Variants in TM4SF4 observed in about 807,000 individuals in gnomAD.
TM4SF4 encodes the protein transmembrane 4 L six family member 4.
Under a neutral mutation model 24.1 loss-of-function variants are expected in TM4SF4, and 24 were observed. That is an observed-to-expected ratio of 1.00 (90% CI 0.72 to 1.40). TM4SF4 has a LOEUF of 1.40. TM4SF4 is among the 40% of genes most tolerant of loss of function. The pLI, the probability that TM4SF4 is intolerant of heterozygous loss-of-function variation, is 0.00. For synonymous variants in TM4SF4, 113 were observed against 97.0 expected (o/e 1.17, Z -0.97); for missense variants, 254 against 254.2 (o/e 1.00, Z 0.01).
chr3:149,494,772 C>T (rs1734281325), intron 3 of TM4SF4: 1 of 152,452 alleles, frequency 6.6e-6, no homozygotes, highest in South Asian at 2.1e-4. Context: ...CACCAAAGAA[C>T]CATCGATGAA....
At chr3:149,484,012 C>T (rs1056201033) in intron 2 of TM4SF4, among the ~76,000 whole-genome samples, 6 of 151,984 alleles carry the variant, frequency 3.9e-5, no homozygotes, top group Non-Finnish European at 8.8e-5. Flanking sequence ...AACTCCTGGG[C>T]GCAAGTGATA....
In TM4SF4 at chr3:149,475,750, T is replaced by C. The variant is rs1171767540; in HGVS notation, c.175-73T>C. 11 of 1,321,200 alleles carry C rather than the reference T, an allele frequency of 8.3e-6. No homozygotes were observed. The East Asian group carries it at 2.7e-4, about 33-fold the overall frequency. 81.8% of individuals were successfully genotyped at this position (1,321,200 alleles called of 1,614,324 possible). A position where few individuals can be genotyped will look rare whatever the true frequency, so the allele number is the denominator to read the frequency against. ...AATCCCTCATTGTGGATGGGGCTCC[T>C]TATACAGTCAGGCAGGCTCGGGCCC... is the stretch of plus-strand genomic sequence containing the variant. On this transcript the variant is annotated intron_variant, in intron 1 of 4. Coordinates refer to ENST00000305354, the MANE Select transcript of TM4SF4 (RefSeq NM_004617.4).
chr3:149,482,401 G>T (rs1391653871), intron 2 of TM4SF4, among the ~76,000 whole-genome samples: 3 of 152,152 alleles, frequency 2.0e-5, no homozygotes, highest in African/African-American at 4.8e-5. Flanking sequence ...TCCAAAGTCT[G>T]CCAACTTCCC....
At chr3:149,500,525 G>A (rs1002152304) in intron 4 of TM4SF4, among the ~76,000 whole-genome samples, 11 of 152,032 alleles carry the variant, frequency 7.2e-5, no homozygotes, top group Admixed American at 6.6e-5. Flanking sequence ...AAACATACTA[G>A]AGAGGAAAAG....
rs34935957 is a variant in TM4SF4, at chr3:149,491,295, C to CAAAAAAAAAAA, written c.401+3542_401+3552dup. Among the ~76,000 whole-genome samples the CAAAAAAAAAAA allele has an allele frequency of 9.1e-4, 114 of 125,712 alleles. 4 individuals carry two copies. Among genetic ancestry groups the CAAAAAAAAAAA allele is most frequent in the African/African-American group, 2.8e-3 (103 of 36,522 alleles). 82.5% of individuals were successfully genotyped at this position (125,712 alleles called of 152,430 possible). A position where few individuals can be genotyped will look rare whatever the true frequency, so the allele number is the denominator to read the frequency against. On this transcript the variant is annotated intron_variant, in intron 3 of 4. Coordinates refer to ENST00000305354, the MANE Select transcript of TM4SF4 (RefSeq NM_004617.4). ...AACTCCCTGCTCCAGCGCCCCTCTA[C>CAAAAAAAAAAA]AAAAAAAAAAAATTAAAAAATTAGC...
At chr3:149,479,298 G>A (rs1048281855) in intron 2 of TM4SF4, among the ~76,000 whole-genome samples, 3 of 151,198 alleles carry the variant, frequency 2.0e-5, no homozygotes, top group African/African-American at 7.3e-5. Context: ...TCAGACTCTT[G>A]TTTGCTTAAT....
intron 2 of TM4SF4, among the ~76,000 whole-genome samples, chr3:149,478,139 T>C (rs972880010): frequency 6.6e-6 from 1 of 152,222 alleles, no homozygotes; most frequent in African/African-American, 2.4e-5. Context: ...AAAAAGTTTG[T>C]CTTTTTGTTG....
chr3:149,502,760 C>T lies in TM4SF4; in HGVS notation c.*67C>T. ...ACAATTTCTTTTCATAAAACTTCTT[C>T]TCTTCTTGGAATTATTAATTCCTAT... On this transcript the variant is annotated 3_prime_UTR_variant, in exon 5 of 5. Coordinates refer to ENST00000305354, the MANE Select transcript of TM4SF4 (RefSeq NM_004617.4). 2 of 1,207,770 alleles carry T rather than the reference C, an allele frequency of 1.7e-6. No homozygotes were observed. The highest frequency in any genetic ancestry group is 2.4e-6 in the Non-Finnish European group (2 of 820,246). 74.8% of individuals were successfully genotyped at this position (1,207,770 alleles called of 1,614,324 possible). A position where few individuals can be genotyped will look rare whatever the true frequency, so the allele number is the denominator to read the frequency against.
intron 3 of TM4SF4, among the ~76,000 whole-genome samples, chr3:149,491,295 C>CA (rs34935957): frequency 0.031 from 3,860 of 125,702 alleles, 194 homozygotes; most frequent in African/African-American, 0.1. Flanking sequence ...CGCCCCTCTA[C>CA]AAAAAAAAAA....
chr3:149,481,149 C>A lies in TM4SF4; in HGVS notation c.264+5237C>A, dbSNP rs555435482. The stretch of plus-strand genomic sequence containing the variant: ...TGCTGGGATTACAGTAGTGAGCCAC[C>A]ACGCCGGCATCTTCAGTAAATATTT... On this transcript the variant is annotated intron_variant, in intron 2 of 4. Transcript: ENST00000305354. Among the ~76,000 whole-genome samples the A allele has an allele frequency of 3.1e-4, 47 of 152,306 alleles. 1 individual carries two copies. Among genetic ancestry groups the A allele is most frequent in the South Asian group, 2.7e-3 (13 of 4,830 alleles).
chr3:149,484,568 T>G (rs75855558), intron 2 of TM4SF4, among the ~76,000 whole-genome samples: 1 of 149,638 alleles, frequency 6.7e-6, no homozygotes, highest in African/African-American at 2.5e-5. Flanking sequence ...TTTTTTTTTT[T>G]GGAGGCGGAG....
intron 3 of TM4SF4, among the ~76,000 whole-genome samples, chr3:149,497,691 C>T (rs1423625309): frequency 6.6e-6 from 1 of 152,172 alleles, no homozygotes. Context: ...GTTGCCCAGG[C>T]TGGAGTGCAA....
intron 2 of TM4SF4, among the ~76,000 whole-genome samples, chr3:149,482,625 C>T (rs535366260): frequency 7.2e-5 from 11 of 152,182 alleles, no homozygotes; most frequent in African/African-American, 2.7e-4. Flanking sequence ...CTCACTGCAA[C>T]CTCTGCCTCC....
chr3:149,476,818 T>TG (rs1360546761), intron 2 of TM4SF4, among the ~76,000 whole-genome samples: 4 of 119,268 alleles, frequency 3.4e-5, no homozygotes, highest in Non-Finnish European at 5.6e-5. Context: ...GTTTTTGTTT[T>TG]TTTTTTTTTT....
At chr3:149,496,626 G>A (rs1734316100) in intron 3 of TM4SF4, among the ~76,000 whole-genome samples, 1 of 152,062 alleles carries the variant, frequency 6.6e-6, no homozygotes, top group Non-Finnish European at 1.5e-5. Context: ...AAATTAGCCG[G>A]ATGTGGTGGC....
intron 2 of TM4SF4, among the ~76,000 whole-genome samples, chr3:149,478,546 G>C (rs988734478): frequency 1.3e-5 from 2 of 152,236 alleles, no homozygotes; most frequent in African/African-American, 4.8e-5. Context: ...TGTGGGGGCT[G>C]TCTAAGCCTC....
intron 3 of TM4SF4, chr3:149,495,110 C>A: frequency 3.7e-6 from 1 of 267,072 alleles, no homozygotes; most frequent in Non-Finnish European, 7.4e-6. Context: ...AAAATGGATT[C>A]CACAGAGCCC....
chr3:149,480,921 C>A (rs1197480293), intron 2 of TM4SF4, among the ~76,000 whole-genome samples: 1 of 151,994 alleles, frequency 6.6e-6, no homozygotes, highest in Non-Finnish European at 1.5e-5. Context: ...AAGAGGTTGG[C>A]GCGATCTCGG....
Position 149,498,762 on chromosome 3 carries a change from G to A in TM4SF4, c.442G>A (p.Glu148Lys). Residue 148 changes from glutamate (E) to lysine (K), a missense_variant, in exon 4 of 5, where the codon GAG (glutamate) becomes AAG (lysine). Physicochemically the swap from Glu to Lys is moderately conservative, Grantham distance 56. Transcript: ENST00000305354. The part of the protein sequence containing the change: ...NDEALWNKCR[E>K]PLNVVPWNLT... ...TGAGGCCTTATGGAACAAGTGCCGA[G>A]AGCCTCTCAATGTGGTTCCCTGGAA... 6.2e-7 allele frequency: 1 copy of A among 1,613,972 alleles called. No individual in the cohort carries two copies.
Sources: allele counts gnomAD v4.1 joint callset (sites outside exome capture counted in the v4.1 genomes callset), GRCh38; gene constraint gnomAD v4.1.1; transcripts MANE v1.5; gene names NCBI Gene and HGNC (gene_info 2026-07-23, HGNC 2026-07-21).